SLC44A2: variants seen among roughly 807,000 people sequenced by gnomAD.
SLC44A2 encodes the protein choline transporter-like protein 2.
In SLC44A2, 57 loss-of-function variants were observed where a neutral mutation model predicts 90.8. The ratio of observed to expected loss-of-function variants is 0.63; its 90% confidence interval spans 0.51 to 0.78. The LOEUF is 0.78. Ranked by LOEUF, SLC44A2 falls within the 30% of genes least tolerant of loss-of-function variation. The probability of loss-of-function intolerance (pLI) is 0.00; values close to 1 mark genes in which losing one functional copy is unlikely to be tolerated. For synonymous variants in SLC44A2, 355 were observed against 360.7 expected (o/e 0.98, Z 0.18); for missense variants, 794 against 919.7 (o/e 0.86, Z 1.77).
upstream of SLC44A2, among the ~76,000 whole-genome samples, chr19:10,623,377 C>T (rs1282767960): frequency 3.3e-5 from 5 of 152,018 alleles, no homozygotes; most frequent in East Asian, 9.6e-4. Context: ...AAGGCAGCAG[C>T]TACAATTATT....
chr19:10,620,557 A>G (rs2144828661), upstream of SLC44A2, among the ~76,000 whole-genome samples: 1 of 152,324 alleles, frequency 6.6e-6, no homozygotes, highest in South Asian at 2.1e-4. Context: ...CTCTACATAC[A>G]TGTATTATAT....
intron 20 of SLC44A2, among the ~76,000 whole-genome samples, chr19:10,640,545 G>A (rs58463220): frequency 6.6e-6 from 1 of 152,138 alleles, no homozygotes; most frequent in South Asian, 2.1e-4. Flanking sequence ...TCCTGCCTCA[G>A]CCTGCCAAAG....
At position 10,640,607 on chromosome 19, in the gene SLC44A2, A is replaced by G. The variant is rs529202822; in HGVS notation, c.1930-1760A>G. 2.6e-5 allele frequency among the ~76,000 whole-genome samples: 4 copies of G among 152,302 alleles called. No individual in the cohort carries two copies. In the South Asian group the frequency reaches 8.3e-4, roughly 32 times the overall value. On this transcript the variant is annotated intron_variant, in intron 20 of 21. Transcript: ENST00000335757. ...ACGCCCAGCCAGGTCCACTGACTTC[A>G]GTCAACAAATGTTTATCTAGCAGCT... is the stretch of plus-strand genomic sequence containing the variant.
chr19:10,642,970 G>T, intron 21 of SLC44A2: 1 of 1,590,476 alleles, frequency 6.3e-7, no homozygotes. Context: ...GAGACATCCT[G>T]TTGAAGGGGA....
At chr19:10,626,188 G>A (rs1384978727) in intron 1 of SLC44A2, 65 bp from the exon 2 acceptor site, 19 of 1,318,912 alleles carry the variant, frequency 1.4e-5, no homozygotes, top group Non-Finnish European at 2.1e-5. Flanking sequence ...TTGGGAGGGG[G>A]CTCTCCCAGC....
At chr19:10,629,547 G>T (rs1368203835) in intron 4 of SLC44A2, among the ~76,000 whole-genome samples, 2 of 151,364 alleles carry the variant, frequency 1.3e-5, no homozygotes, top group East Asian at 2.0e-4. Context: ...CAAACTGCTG[G>T]TATTACGGGT....
chr19:10,632,248 A>G (rs2067004983), intron 10 of SLC44A2, 92 bp downstream of exon 10: 1 of 1,242,372 alleles, frequency 8.0e-7, no homozygotes, highest in African/African-American at 1.5e-5. Flanking sequence ...AAAACAAAAA[A>G]AAGTCAGGCC....
chr19:10,617,162 C>T (rs577663962), intron 1 of SLC44A2, among the ~76,000 whole-genome samples: 108 of 50,798 alleles, frequency 2.1e-3, no homozygotes, highest in Non-Finnish European at 3.3e-3. Flanking sequence ...CCTCGTGATC[C>T]GCCCGCCTGG....
upstream of SLC44A2, among the ~76,000 whole-genome samples, chr19:10,623,352 C>G (rs1057319541): frequency 6.6e-6 from 1 of 151,966 alleles, no homozygotes; most frequent in African/African-American, 2.4e-5. Flanking sequence ...GCCCTGCCTG[C>G]GAGTCCTAGA....
intron 10 of SLC44A2, among the ~76,000 whole-genome samples, chr19:10,633,359 G>A (rs1237762097): frequency 6.6e-6 from 1 of 151,796 alleles, no homozygotes; most frequent in Non-Finnish European, 1.5e-5. Context: ...TAGAGATGGG[G>A]TTTTACCATA....
intron 1 of SLC44A2, among the ~76,000 whole-genome samples, chr19:10,606,703 T>C (rs1918113475): frequency 6.6e-6 from 1 of 151,706 alleles, no homozygotes; most frequent in South Asian, 2.1e-4. Flanking sequence ...CCCAGCTATG[T>C]GGGAGGCTGA....
chr19:10,631,628 G>A lies in SLC44A2; in HGVS notation c.505G>A (p.Ala169Thr). The change falls in exon 8 of 22, where the codon GCC becomes ACC. Residue 169 changes from alanine to threonine, a missense_variant and splice_region_variant. By Grantham distance (58) the Ala-to-Thr change is moderately conservative (BLOSUM62 0). This residue lies in a region of SLC44A2 where 738 missense variants were observed against 841.1 expected (regional missense o/e 0.88). Coordinates refer to ENST00000335757, the MANE Select transcript of SLC44A2 (RefSeq NM_020428.4). ...GTGCCATCCTCTGCTCCATGCAGTG[G>A]CCCGGAGATGCTTCCCCGCTATCCA... Reference protein sequence around the residue: ...PAVLIPSKPLARRCFPAIHAY... With the variant: ...PAVLIPSKPLTRRCFPAIHAY... The A allele has an allele frequency of 6.2e-7, 1 of 1,613,836 alleles. No homozygotes were observed. Among genetic ancestry groups the A allele is most frequent in the Non-Finnish European group, 8.5e-7 (1 of 1,180,018 alleles).
chr19:10,637,484 T>C, intron 16 of SLC44A2, 160 bp from the exon 17 acceptor site: 1 of 643,260 alleles, frequency 1.6e-6, no homozygotes, highest in Non-Finnish European at 2.8e-6. Context: ...CCATCATAGC[T>C]CACTGCAGCC....
intron 1 of SLC44A2, among the ~76,000 whole-genome samples, chr19:10,620,037 G>A (rs1055253934): frequency 6.6e-6 from 1 of 152,110 alleles, no homozygotes; most frequent in Non-Finnish European, 1.5e-5. Flanking sequence ...AATTAGCTGG[G>A]TGCAATGGTG....
At chr19:10,639,698 G>T (rs1202136407) in intron 20 of SLC44A2, among the ~76,000 whole-genome samples, 2 of 152,142 alleles carry the variant, frequency 1.3e-5, no homozygotes, top group African/African-American at 4.8e-5. Context: ...TGCCAGCATG[G>T]CGAAACCCAG....
intron 1 of SLC44A2, among the ~76,000 whole-genome samples, chr19:10,613,861 G>A (rs552433107): frequency 2.0e-5 from 3 of 152,222 alleles, no homozygotes; most frequent in South Asian, 2.1e-4. Context: ...TAAAATCTCC[G>A]AAAGAAACAG....
chr19:10,618,171 ATTTTTTTTTTT>A (rs548727188), intron 1 of SLC44A2, among the ~76,000 whole-genome samples: 1 of 112,862 alleles, frequency 8.9e-6, no homozygotes, highest in Non-Finnish European at 1.8e-5. Flanking sequence ...TGCCTGGCTA[ATTTTTTTTTTT>A]TTTTTTTTTT....
intron 1 of SLC44A2, among the ~76,000 whole-genome samples, chr19:10,602,784 C>T (rs1235645055): frequency 1.3e-5 from 2 of 152,146 alleles, no homozygotes; most frequent in African/African-American, 4.8e-5. Context: ...GGCTGATGGG[C>T]CGGGGCTCAC....
intron 20 of SLC44A2, among the ~76,000 whole-genome samples, chr19:10,641,580 C>T (rs2144894956): frequency 6.6e-6 from 1 of 152,064 alleles, no homozygotes; most frequent in Middle Eastern, 3.4e-3. Flanking sequence ...AGGCTGAGTG[C>T]AGTGGCTCAT....
Sources: gnomAD v4.1 joint callset for allele counts (sites outside exome capture counted in the v4.1 genomes callset) on GRCh38, gnomAD v4.1.1 for gene constraint, gnomAD v4.1.1 regional missense constraint, MANE v1.5 for transcripts, NCBI Gene and HGNC (gene_info 2026-07-23, HGNC 2026-07-21) for gene names.